ARMCX4: variants seen among roughly 807,000 people sequenced by gnomAD.
The protein encoded by ARMCX4 is armadillo repeat containing X-linked 4.
A neutral mutation model predicts 34.7 loss-of-function variants in ARMCX4; 3 were observed. The observed-to-expected ratio is 0.09, with a 90% CI of 0.04 to 0.22. ARMCX4 has a LOEUF of 0.22. Ranked by LOEUF, ARMCX4 falls within the 10% of genes least tolerant of loss-of-function variation. ARMCX4 has a pLI of 1.00. For synonymous variants in ARMCX4, 513 were observed against 632.8 expected (o/e 0.81, Z 2.84); for missense variants, 1,448 against 1,720.8 (o/e 0.84, Z 2.81).
At chrX:101,469,563 G>C (rs1452021813) in intron 4 of ARMCX4, among the ~76,000 whole-genome samples, 1 of 111,786 alleles carries the variant, frequency 8.9e-6, no homozygotes, top group Non-Finnish European at 1.9e-5. Flanking sequence ...AGGGAATTAA[G>C]GTATATTGAA....
chrX:101,482,595 C>T (rs961411276), upstream of ARMCX4, among the ~76,000 whole-genome samples: 4 of 108,617 alleles, frequency 3.7e-5, no homozygotes, highest in Non-Finnish European at 5.7e-5. Context: ...TTCCCTATGT[C>T]GGGAAACCTA....
chrX:101,425,560 AT>A (rs782102009), intron 2 of ARMCX4, among the ~76,000 whole-genome samples: 2 of 109,364 alleles, frequency 1.8e-5, no homozygotes, highest in East Asian at 5.8e-4. Flanking sequence ...TGCCCGACTA[AT>A]TTTTTGTATT....
intron 4 of ARMCX4, among the ~76,000 whole-genome samples, chrX:101,471,593 C>T (rs892462014): frequency 1.8e-5 from 2 of 111,932 alleles, no homozygotes; most frequent in Non-Finnish European, 3.8e-5. Flanking sequence ...GTTCTCCCAG[C>T]ACGCAGCTGG....
chrX:101,460,348 C>T (rs1341451395), intron 4 of ARMCX4, among the ~76,000 whole-genome samples: 1 of 112,506 alleles, frequency 8.9e-6, no homozygotes, highest in Admixed American at 9.4e-5. Context: ...ATCTCTTACC[C>T]TGGGGAGCCT....
intron 4 of ARMCX4, among the ~76,000 whole-genome samples, chrX:101,455,085 T>C (rs938612214): frequency 4.5e-5 from 5 of 111,510 alleles, no homozygotes; most frequent in Non-Finnish European, 9.4e-5. Context: ...ATTTAGACCA[T>C]TGCAGTGGGA....
Position 101,494,637 on chromosome X carries a change from A to G in ARMCX4, c.6048A>G (p.Arg2016=). The G allele has an allele frequency of 1.5e-5, 17 of 1,156,054 alleles. No homozygotes were observed. The highest frequency in any genetic ancestry group is 1.9e-5 in the Non-Finnish European group (17 of 872,995). Residue 2016 remains arginine (R), a synonymous_variant, in exon 6 of 6, where the codon AGA becomes AGG. Transcript: ENST00000423738. ...EASFPVEDES[R]KQTRTGEKTR... ...GCTTCCCAGTTGAAGATGAGTCCAG[A>G]AAACAAACCAGGACTGGGGAAAAAA...
intron 4 of ARMCX4, among the ~76,000 whole-genome samples, chrX:101,471,237 C>T (rs906447680): frequency 8.9e-6 from 1 of 112,407 alleles, no homozygotes. Flanking sequence ...TTTTCCAAGC[C>T]TGTACATTAC....
At chrX:101,529,844 G>C (rs1362121811) in intron 11 of ARMCX4, among the ~76,000 whole-genome samples, 1 of 111,794 alleles carries the variant, frequency 8.9e-6, no homozygotes, top group Non-Finnish European at 1.9e-5. Context: ...ACAGGTGCTG[G>C]AGAGGATGTG....
intron 11 of ARMCX4, among the ~76,000 whole-genome samples, chrX:101,518,261 A>C (rs1240128710): frequency 3.6e-5 from 4 of 111,708 alleles, no homozygotes; most frequent in Admixed American, 9.6e-5. Flanking sequence ...AGAGTAAAAA[A>C]TAGAGAAATA....
intron 11 of ARMCX4, among the ~76,000 whole-genome samples, chrX:101,527,165 A>G (rs1000473082): frequency 8.9e-6 from 1 of 112,484 alleles, no homozygotes; most frequent in East Asian, 2.8e-4. Flanking sequence ...ACTAGAACTC[A>G]GGATTAAGAA....
Position 101,495,230 on chromosome X carries a change from G to A in ARMCX4, c.6641G>A (p.Ser2214Asn). 8.7e-7 allele frequency: 1 copy of A among 1,147,678 alleles called. No individual in the cohort carries two copies. The highest frequency in any genetic ancestry group is 1.9e-5 in the South Asian group (1 of 52,315). 94.6% of individuals were successfully genotyped at this position (1,147,678 alleles called of 1,213,427 possible). ...CCAACATCACTGATTAACATTTTTA[G>A]CAAGAAAGAGACAAAGGAGAATATT... ...NAPTSLINIF[S>N]KKETKENILN... Residue 2214 changes from serine to asparagine, a missense_variant, in exon 6 of 6, where the codon AGC becomes AAC. Physicochemically the swap from Ser to Asn is conservative, Grantham distance 46 (BLOSUM62 1). This residue lies in a region of ARMCX4 where 105 missense variants were observed against 180.2 expected (regional missense o/e 0.58). Transcript: ENST00000423738.
Position 101,494,157 on chromosome X carries a change from A to T in ARMCX4, c.5568A>T (p.Gly1856=). 1.1e-6 allele frequency: 1 copy of T among 912,855 alleles called. No individual in the cohort carries two copies. The highest frequency in any genetic ancestry group is 5.8e-5 in the East Asian group (1 of 17,218). 75.2% of individuals were successfully genotyped at this position (912,855 alleles called of 1,213,427 possible). A position where few individuals can be genotyped will look rare whatever the true frequency, so the allele number is the denominator to read the frequency against. ...ESGAGIWSWD[G]DATTVESRLG... is the part of the protein sequence containing the mutation. Reference sequence around the variant, plus strand: ...GGGCTGGGATTTGGTCCTGGGATGGAGATGCAACCACTGTAGAGTCTAGGC... The same window carrying T: ...GGGCTGGGATTTGGTCCTGGGATGGTGATGCAACCACTGTAGAGTCTAGGC... The change falls in exon 6 of 6, where the codon GGA becomes GGT. Residue 1856 remains glycine (G), a synonymous_variant. Transcript: ENST00000423738.
At chrX:101,474,442 C>G (rs1933077424) in intron 4 of ARMCX4, among the ~76,000 whole-genome samples, 1 of 107,647 alleles carries the variant, frequency 9.3e-6, no homozygotes, top group Non-Finnish European at 1.9e-5. Flanking sequence ...AGAGGGAATC[C>G]TCCCTAACTC....
rs1283775197 is a variant in ARMCX4 at position 101,490,421 on chromosome X, A to G, written c.1832A>G (p.Asn611Ser). 2.3e-5 allele frequency: 26 copies of G among 1,153,223 alleles called. No individual in the cohort carries two copies. The change falls in exon 6 of 6, where the codon AAT becomes AGT. Residue 611 changes from asparagine (N) to serine (S), a missense_variant. By Grantham distance (46) the Asn-to-Ser change is conservative (BLOSUM62 1). Coordinates refer to ENST00000423738, the MANE Select transcript of ARMCX4 (RefSeq NM_001256155.3). The part of the protein sequence containing the change: ...LPGAKNKVKG[N>S]PHTVLKVGAG... ...GGTGCCAAGAATAAAGTCAAGGGCAATCCCCATACTGTGCTTAAGGTGGGG... is the reference window on the plus strand; with the variant it reads ...GGTGCCAAGAATAAAGTCAAGGGCAGTCCCCATACTGTGCTTAAGGTGGGG...
At chrX:101,457,765 C>T (rs1201959674) in intron 4 of ARMCX4, among the ~76,000 whole-genome samples, 19 of 109,773 alleles carry the variant, frequency 1.7e-4, no homozygotes, top group Non-Finnish European at 2.9e-4. Context: ...TTTTTTTAGA[C>T]GGAGTCTCAC....
At chrX:101,512,860 G>GTGTA (rs1556016760) in intron 11 of ARMCX4, among the ~76,000 whole-genome samples, 3,920 of 97,307 alleles carry the variant, frequency 0.04, 83 homozygotes, top group African/African-American at 0.069. Context: ...GTGTATATAT[G>GTGTA]TATATATATG....
At chrX:101,487,555 G>C in intron 3 of ARMCX4, 53 bp from the exon 4 acceptor site, 1 of 696,512 alleles carries the variant, frequency 1.4e-6, no homozygotes, top group Non-Finnish European at 2.0e-6. Context: ...TTGCTTGTCT[G>C]TTCTACCAGG....
At chrX:101,523,691 T>G (rs1934902820) in intron 11 of ARMCX4, among the ~76,000 whole-genome samples, 4 of 111,487 alleles carry the variant, frequency 3.6e-5, no homozygotes, top group Admixed American at 2.9e-4. Context: ...GGTTCAGTAT[T>G]CAGGGTTTCT....
In ARMCX4 at chrX:101,515,173, T is replaced by A. The variant is rs1469630133; in HGVS notation, c.*1780+4118T>A. Reference sequence around the variant, plus strand: ...CAACCAACTAATCTCATCTTACTTGTTAGTTTGACAAAAAATGTCCTCAGG... The same window carrying A: ...CAACCAACTAATCTCATCTTACTTGATAGTTTGACAAAAAATGTCCTCAGG... On this transcript the variant is annotated intron_variant and NMD_transcript_variant, in intron 11 of 12. Transcript: ENST00000354842. 9.9e-5 allele frequency among the ~76,000 whole-genome samples: 11 copies of A among 111,291 alleles called. No individual in the cohort carries two copies. In the Admixed American group the frequency reaches 1.0e-3, roughly 11 times the overall value.
Sources: allele counts gnomAD v4.1 joint callset (sites outside exome capture counted in the v4.1 genomes callset), GRCh38; gene constraint gnomAD v4.1.1; regional missense constraint gnomAD v4.1.1; transcripts MANE v1.5; gene names NCBI Gene and HGNC (gene_info 2026-07-23, HGNC 2026-07-21).